Variants in LRPPRC observed in about 807,000 individuals in gnomAD.
LRPPRC encodes leucine rich pentatricopeptide repeat containing.
A neutral mutation model predicts 180.3 loss-of-function variants in LRPPRC; 120 were observed. That is an observed-to-expected ratio of 0.67 (90% confidence interval 0.57 to 0.77). LRPPRC has a LOEUF of 0.77. Ranked by LOEUF, LRPPRC falls within the 30% of genes least tolerant of loss-of-function variation. The pLI, the probability that LRPPRC is intolerant of heterozygous loss-of-function variation, is 0.00. For synonymous variants in LRPPRC, 723 were observed against 600.0 expected (o/e 1.21, Z -3.00); for missense variants, 2,012 against 1,657.2 (o/e 1.21, Z -3.72).
Position 43,957,532 on chromosome 2 carries a change from A to G in LRPPRC, c.1583-81T>C, listed in dbSNP as rs116196951. 2,155 of 966,124 alleles carry G rather than the reference A, an allele frequency of 2.2e-3. 27 individuals are homozygous for G. In the African/African-American group the frequency reaches 0.029, roughly 13 times the overall value. The allele number at this position is 966,124 out of a possible 1,614,324, so 59.8% of individuals were successfully genotyped here. A position where few individuals can be genotyped will look rare whatever the true frequency, so the allele number is the denominator to read the frequency against. ...GTATTATCAAATTGAAAACATATTT[A>G]TACCAATACCTTTTAGTTTTCATTT... On this transcript the variant is annotated intron_variant, in intron 13 of 37. Coordinates refer to ENST00000260665, the MANE Select transcript of LRPPRC (RefSeq NM_133259.4).
intron 1 of LRPPRC, among the ~76,000 whole-genome samples, chr2:43,988,218 G>A (rs564332294): frequency 7.1e-6 from 1 of 140,624 alleles, no homozygotes. Flanking sequence ...TCCAGCCTGG[G>A]AGACAGAGAC....
At position 43,934,798 on chromosome 2, in the gene LRPPRC, A is replaced by G. The variant is rs781415757; in HGVS notation, c.2585T>C (p.Leu862Ser). The G allele has an allele frequency of 6.8e-6, 11 of 1,611,794 alleles. 1 individual carries two copies. The South Asian group carries it at 1.2e-4, about 18-fold the overall frequency. ...YKVLPRIHDV[L>S]CKLVEKGETD... ...CTCGCCTTTCTCTACCAGTTTACAC[A>G]AGACATCATGAATCCTTGGTAATAC... Residue 862 changes from leucine to serine, a missense_variant, in exon 24 of 38, where the codon TTG becomes TCG. Coordinates refer to ENST00000260665, the MANE Select transcript of LRPPRC (RefSeq NM_133259.4).
At chr2:43,996,123 C>T (rs1242725863), upstream of LRPPRC, 3 of 562,904 alleles carry the variant, frequency 5.3e-6, no homozygotes, top group South Asian at 4.3e-5. Context: ...GGACAGAAGA[C>T]CCAATGTAAT....
At chr2:43,892,222 AAC>A (rs1273664487) in intron 36 of LRPPRC, among the ~76,000 whole-genome samples, 1 of 152,252 alleles carries the variant, frequency 6.6e-6, no homozygotes, top group Non-Finnish European at 1.5e-5. Context: ...ATGTAGATAA[AAC>A]AGTCTTATAT....
At chr2:43,949,795 C>T (rs1320054544) in intron 15 of LRPPRC, 136 bp from the exon 16 acceptor site, 2 of 692,298 alleles carry the variant, frequency 2.9e-6, no homozygotes, top group Non-Finnish European at 5.3e-6. Context: ...TCAAAACCAC[C>T]CCCACCCGCC....
In LRPPRC at chr2:43,973,771, G is replaced by A. The variant is rs1553410847; in HGVS notation, c.1261+24C>T. 99 of 1,601,326 alleles carry A rather than the reference G, an allele frequency of 6.2e-5. 1 individual carries two copies. The South Asian group carries it at 1.1e-3, about 17-fold the overall frequency. Reference sequence around the variant, plus strand: ...TACCTCAGCAAAACTTCCTTACTTGGCTTTAACTTTAAGAATGTAGTACCA... The same window carrying A: ...TACCTCAGCAAAACTTCCTTACTTGACTTTAACTTTAAGAATGTAGTACCA... On this transcript the variant is annotated intron_variant, in intron 10 of 37. Coordinates refer to ENST00000260665, the MANE Select transcript of LRPPRC (RefSeq NM_133259.4).
In LRPPRC at chr2:43,896,762, C is replaced by A; in HGVS notation, c.3826-54G>T. 3.0e-6 allele frequency: 3 copies of A among 1,006,298 alleles called. No homozygotes were observed. The South Asian group carries it at 3.8e-5, about 13-fold the overall frequency. The allele number at this position is 1,006,298 out of a possible 1,614,324, so 62.3% of individuals were successfully genotyped here. ...GAAGGTTTCTGATAAACAAGTGGAT[C>A]AAACTGAATATTTCCAATTAAGAAA... On this transcript the variant is annotated intron_variant, in intron 34 of 37. Transcript: ENST00000260665.
At chr2:43,947,798 C>T (rs897147024) in intron 18 of LRPPRC, 23 bp from the exon 19 acceptor site, 9 of 1,512,874 alleles carry the variant, frequency 5.9e-6, no homozygotes, top group Admixed American at 3.3e-5. Flanking sequence ...TTTAAATTAG[C>T]CCAGAATTAG....
At chr2:43,908,241 A>C (rs917384973) in intron 30 of LRPPRC, among the ~76,000 whole-genome samples, 3 of 152,340 alleles carry the variant, frequency 2.0e-5, no homozygotes, top group African/African-American at 7.2e-5. Context: ...GATTTAAAAA[A>C]AGAGTTTATA....
intron 1 of LRPPRC, among the ~76,000 whole-genome samples, chr2:43,982,997 C>T (rs759130095): frequency 1.1e-4 from 17 of 151,740 alleles, no homozygotes; most frequent in Non-Finnish European, 1.8e-4. Flanking sequence ...AGTTGAAACA[C>T]TTAATAGTGA....
chr2:43,943,507 C>A (rs1406133249), intron 23 of LRPPRC, among the ~76,000 whole-genome samples, 180 bp downstream of exon 23: 1 of 152,028 alleles, frequency 6.6e-6, no homozygotes, highest in Admixed American at 6.6e-5. Context: ...TGTAAAGCCA[C>A]AGGACCACAG....
intron 1 of LRPPRC, among the ~76,000 whole-genome samples, chr2:43,982,860 C>A (rs1674372661): frequency 6.6e-6 from 1 of 151,882 alleles, no homozygotes; most frequent in South Asian, 2.1e-4. Flanking sequence ...TTATAACTAC[C>A]TTTAAGTTTT....
At chr2:43,911,950 T>C (rs1671278021) in intron 30 of LRPPRC, among the ~76,000 whole-genome samples, 1 of 152,182 alleles carries the variant, frequency 6.6e-6, no homozygotes, top group South Asian at 2.1e-4. Flanking sequence ...AAATCTTTAA[T>C]ATTAAGTAAT....
intron 31 of LRPPRC, chr2:43,902,508 T>G (rs1025490881): frequency 2.0e-5 from 3 of 152,300 alleles, no homozygotes; most frequent in African/African-American, 7.2e-5. Context: ...GTGTATTAAT[T>G]GAAGTGTACT....
In LRPPRC at chr2:43,918,249, C is replaced by A; in HGVS notation, c.3039+7G>T. 6.2e-7 allele frequency: 1 copy of A among 1,613,018 alleles called. No homozygotes were observed. The highest frequency in any genetic ancestry group is 8.5e-7 in the Non-Finnish European group (1 of 1,179,044). On this transcript the variant is annotated splice_region_variant and intron_variant, in intron 28 of 37. Coordinates refer to ENST00000260665, the MANE Select transcript of LRPPRC (RefSeq NM_133259.4). ...AAATCTGTTACGATTATGCCAAAAA[C>A]AATTACCTCAGGTACGTCAAACGGA...
At chr2:43,946,674 A>G (rs1056856684) in intron 20 of LRPPRC, among the ~76,000 whole-genome samples, 4 of 151,992 alleles carry the variant, frequency 2.6e-5, no homozygotes, top group African/African-American at 7.3e-5. Flanking sequence ...ACAGTAGCAG[A>G]TTATAATCAT....
chr2:43,961,518 A>T (rs1013996201), intron 12 of LRPPRC, among the ~76,000 whole-genome samples: 1 of 152,252 alleles, frequency 6.6e-6, no homozygotes, highest in Non-Finnish European at 1.5e-5. Context: ...AAGAACATAC[A>T]TGCTAAGCAA....
intron 29 of LRPPRC, among the ~76,000 whole-genome samples, chr2:43,916,091 A>C (rs1394651195): frequency 1.3e-5 from 2 of 152,194 alleles, no homozygotes; most frequent in African/African-American, 4.8e-5. Context: ...TTAGGAAATT[A>C]AGAAGTTCTA....
At chr2:43,919,303 C>T (rs1671611086) in intron 27 of LRPPRC, among the ~76,000 whole-genome samples, 1 of 152,118 alleles carries the variant, frequency 6.6e-6, no homozygotes, top group Non-Finnish European at 1.5e-5. Flanking sequence ...TCCCTGGTAC[C>T]AAAAAGGTTG....
Sources: allele counts gnomAD v4.1 joint callset (sites outside exome capture counted in the v4.1 genomes callset), GRCh38; gene constraint gnomAD v4.1.1; transcripts MANE v1.5; gene names NCBI Gene and HGNC (gene_info 2026-07-23, HGNC 2026-07-21).